The following BTG4 variants were observed in gnomAD, a reference collection of about 807,000 sequenced individuals.
BTG4 encodes BTG anti-proliferation factor 4, also known as protein BTG4.
In BTG4, 10 loss-of-function variants were observed where a neutral mutation model predicts 19.3. The ratio of observed to expected loss-of-function variants is 0.52; its 90% CI spans 0.32 to 0.88. BTG4 has a LOEUF of 0.88. BTG4 is among the 40% of genes least tolerant of loss of function. BTG4 has a pLI of 0.04. For synonymous variants in BTG4, 91 were observed against 95.7 expected (o/e 0.95, Z 0.29); for missense variants, 238 against 281.9 (o/e 0.84, Z 1.11).
downstream of BTG4, among the ~76,000 whole-genome samples, chr11:111,490,800 T>C (rs191644593): frequency 2.0e-5 from 3 of 152,320 alleles, no homozygotes; most frequent in Admixed American, 6.5e-5. Flanking sequence ...GAATCACTCA[T>C]ACATTGCTGA....
intron 1 of BTG4, among the ~76,000 whole-genome samples, chr11:111,509,498 C>A (rs1192520336): frequency 6.6e-6 from 1 of 151,946 alleles, no homozygotes. Flanking sequence ...AGTTCGAGAC[C>A]AGCCTGGCCA....
At chr11:111,419,898 G>A in the BTG4 span, among the ~76,000 whole-genome samples, 1 of 152,356 alleles carries the variant, frequency 6.6e-6, no homozygotes, top group Non-Finnish European at 1.5e-5. Context: ...TGGAAAAAGA[G>A]TACGGGATGT....
At chr11:111,498,399 C>T (rs1865868481) in intron 2 of BTG4, among the ~76,000 whole-genome samples, 1 of 152,204 alleles carries the variant, frequency 6.6e-6, no homozygotes, top group African/African-American at 2.4e-5. Flanking sequence ...TAATCTACCT[C>T]ACATAAGGGG....
At chr11:111,453,313 G>A in the BTG4 span, 3 of 353,456 alleles carry the variant, frequency 8.5e-6, no homozygotes, top group Admixed American at 3.2e-5. Context: ...CCCTAACCAC[G>A]GTGAAGTGCG....
chr11:111,493,480 C>T (rs989362540), downstream of BTG4, among the ~76,000 whole-genome samples: 7 of 152,166 alleles, frequency 4.6e-5, no homozygotes, highest in East Asian at 1.2e-3. Context: ...CACATACATG[C>T]CAGCATCCTA....
chr11:111,388,624 G>A, the BTG4 span, among the ~76,000 whole-genome samples: 1 of 152,038 alleles, frequency 6.6e-6, no homozygotes, highest in Non-Finnish European at 1.5e-5. Flanking sequence ...AGAAACAATC[G>A]CATTCCTGTG....
chr11:111,465,323 C>T (rs1037163477), downstream of BTG4, among the ~76,000 whole-genome samples: 24 of 152,186 alleles, frequency 1.6e-4, no homozygotes, highest in Admixed American at 1.4e-3. Flanking sequence ...TCCATACCTC[C>T]AACTCCAACC....
At chr11:111,499,931 C>T (rs1865965202) in intron 1 of BTG4, among the ~76,000 whole-genome samples, 1 of 152,046 alleles carries the variant, frequency 6.6e-6, no homozygotes, top group African/African-American at 2.4e-5. Flanking sequence ...CACCTGAGGT[C>T]AGGAGTTCGA....
chr11:111,510,004 C>T (rs571359027), intron 1 of BTG4, among the ~76,000 whole-genome samples: 52 of 150,764 alleles, frequency 3.4e-4, no homozygotes, highest in African/African-American at 1.2e-3. Flanking sequence ...CTCTGCCTCC[C>T]GGGTTCAAGC....
At chr11:111,436,589 T>TG in the BTG4 span, among the ~76,000 whole-genome samples, 11 of 150,012 alleles carry the variant, frequency 7.3e-5, no homozygotes, top group Non-Finnish European at 1.6e-4. Context: ...ATCTCACCAT[T>TG]GCACTCCAGC....
chr11:111,494,668 T>C (rs769054072), downstream of BTG4, among the ~76,000 whole-genome samples: 1 of 152,094 alleles, frequency 6.6e-6, no homozygotes, highest in East Asian at 1.9e-4. Context: ...GGCTCACGCC[T>C]GAATCCCAAC....
intron 5 of BTG4, among the ~76,000 whole-genome samples, chr11:111,469,542 G>A (rs1261163532): frequency 2.6e-5 from 4 of 152,116 alleles, no homozygotes; most frequent in Non-Finnish European, 5.9e-5. Flanking sequence ...CAAAATGCAC[G>A]TACCACTGCT....
chr11:111,431,301 ATGT>A, the BTG4 span, among the ~76,000 whole-genome samples: 2 of 152,154 alleles, frequency 1.3e-5, no homozygotes, highest in African/African-American at 4.8e-5. Context: ...GGAGCCCTTG[ATGT>A]GTCAGGCACT....
the BTG4 span, among the ~76,000 whole-genome samples, chr11:111,419,859 A>T: frequency 6.6e-6 from 1 of 152,204 alleles, no homozygotes; most frequent in Admixed American, 6.5e-5. Context: ...ACTCTTCACT[A>T]TTGGGTGCCA....
chr11:111,455,937 C>G, the BTG4 span: 1 of 406,948 alleles, frequency 2.5e-6, no homozygotes, highest in Admixed American at 2.5e-5. Context: ...TGAATCAGGG[C>G]AACTAGCCCT....
At chr11:111,426,726 G>C in the BTG4 span, among the ~76,000 whole-genome samples, 1 of 152,110 alleles carries the variant, frequency 6.6e-6, no homozygotes, top group African/African-American at 2.4e-5. Context: ...CAGCACCCAA[G>C]GCTTCTTCAC....
chr11:111,386,896 C>T, the BTG4 span, among the ~76,000 whole-genome samples: 1 of 152,108 alleles, frequency 6.6e-6, no homozygotes, highest in Non-Finnish European at 1.5e-5. Context: ...GCATAATTTC[C>T]CTCTGGGTTA....
At chr11:111,456,476 C>T in the BTG4 span, 1 of 455,416 alleles carries the variant, frequency 2.2e-6, no homozygotes, top group Non-Finnish European at 4.4e-6. This position sits in a 1 kb window ranked among gnomAD's most constrained non-coding sequence, Gnocchi z 4.2. Flanking sequence ...CACCGGCCCC[C>T]AGCCCAGGGC....
the BTG4 span, among the ~76,000 whole-genome samples, chr11:111,431,169 T>C: frequency 6.6e-6 from 1 of 152,204 alleles, no homozygotes; most frequent in African/African-American, 2.4e-5. Flanking sequence ...TTGTTCAGTA[T>C]TGTATTGAGA....
Sources: allele counts gnomAD v4.1 joint callset (sites outside exome capture counted in the v4.1 genomes callset), GRCh38; gene constraint gnomAD v4.1.1; non-coding constraint Gnocchi (gnomAD v3.1); transcripts MANE v1.5; gene names NCBI Gene and HGNC (gene_info 2026-07-23, HGNC 2026-07-21).